Variants in KCNIP4 observed in about 807,000 individuals in gnomAD.
KCNIP4 encodes the protein Kv channel-interacting protein 4.
KCNIP4 carries 12 observed loss-of-function variants against 34.0 expected under a neutral mutation model. The observed-to-expected ratio is 0.35, with a 90% CI of 0.23 to 0.57. The LOEUF is 0.57. Among genes scored for constraint, KCNIP4 ranks in the 20% least tolerant of loss-of-function variants. The pLI is 0.83. For synonymous variants in KCNIP4, 124 were observed against 102.2 expected (o/e 1.21, Z -1.29); for missense variants, 238 against 311.7 (o/e 0.76, Z 1.78).
chr4:20,808,775 G>T (rs1347991235), intron 3 of KCNIP4, among the ~76,000 whole-genome samples: 1 of 152,018 alleles, frequency 6.6e-6, no homozygotes, highest in Non-Finnish European at 1.5e-5. Flanking sequence ...TATTAAATAG[G>T]TACACATGAA....
intron 1 of KCNIP4, among the ~76,000 whole-genome samples, chr4:21,248,645 C>T (rs1004069708): frequency 7.9e-5 from 12 of 152,084 alleles, no homozygotes; most frequent in African/African-American, 1.2e-4. Flanking sequence ...TTTACTCTTA[C>T]AATAGGTGAT....
chr4:20,804,455 A>G (rs1039546639), intron 3 of KCNIP4, among the ~76,000 whole-genome samples: 1 of 152,188 alleles, frequency 6.6e-6, no homozygotes, highest in Admixed American at 6.5e-5. Flanking sequence ...GAAAAGAAAG[A>G]TTACTTTCTT....
intron 3 of KCNIP4, among the ~76,000 whole-genome samples, chr4:20,770,025 C>G (rs1578575613): frequency 6.6e-6 from 1 of 152,120 alleles, no homozygotes. Flanking sequence ...TAGTACCTTG[C>G]TTAGTATTTG....
chr4:21,722,702 C>T (rs73115714), intron 1 of KCNIP4, among the ~76,000 whole-genome samples: 3,523 of 152,094 alleles, frequency 0.023, 115 homozygotes, highest in African/African-American at 0.081. Context: ...CTAGAGGGAG[C>T]GGATGGGTAT....
chr4:21,692,974 T>G (rs369927076), intron 1 of KCNIP4, among the ~76,000 whole-genome samples: 2 of 151,464 alleles, frequency 1.3e-5, no homozygotes, highest in Admixed American at 1.3e-4. Context: ...AGAGAGTACA[T>G]AGGAGAGAGA....
intron 1 of KCNIP4, among the ~76,000 whole-genome samples, chr4:21,307,526 A>G: frequency 6.6e-6 from 1 of 152,292 alleles, no homozygotes; most frequent in South Asian, 2.1e-4. Flanking sequence ...GAATTGCTAC[A>G]ATATAAACTC....
intron 1 of KCNIP4, among the ~76,000 whole-genome samples, chr4:21,443,614 G>T (rs1336706091): frequency 6.6e-6 from 1 of 152,132 alleles, no homozygotes; most frequent in Non-Finnish European, 1.5e-5. Context: ...AACCTTGCCT[G>T]AGTTTGCGGC....
intron 1 of KCNIP4, among the ~76,000 whole-genome samples, chr4:20,935,271 G>A (rs1008537245): frequency 6.6e-6 from 1 of 152,180 alleles, no homozygotes; most frequent in African/African-American, 2.4e-5. Flanking sequence ...GGAAGATGAG[G>A]AAGTCAGTGG....
At chr4:21,884,165 A>G (rs909937810) in intron 1 of KCNIP4, among the ~76,000 whole-genome samples, 4 of 152,284 alleles carry the variant, frequency 2.6e-5, no homozygotes, top group African/African-American at 9.6e-5. Context: ...CCCAACAACA[A>G]TAACATACAT....
chr4:20,759,909 C>T (rs1351775991), intron 3 of KCNIP4, among the ~76,000 whole-genome samples: 1 of 152,136 alleles, frequency 6.6e-6, no homozygotes, highest in Non-Finnish European at 1.5e-5. Context: ...CTTCCAGGAC[C>T]ACCGCGGATA....
At chr4:20,950,879 C>T (rs1346091753) in intron 1 of KCNIP4, among the ~76,000 whole-genome samples, 2 of 151,870 alleles carry the variant, frequency 1.3e-5, no homozygotes, top group Non-Finnish European at 1.5e-5. Flanking sequence ...TTTTTTCTTC[C>T]CCCATTCTCC....
intron 1 of KCNIP4, among the ~76,000 whole-genome samples, chr4:20,943,336 A>G (rs1731846838): frequency 6.6e-6 from 1 of 152,210 alleles, no homozygotes; most frequent in Non-Finnish European, 1.5e-5. Flanking sequence ...TTTATAGCCT[A>G]TAAGACTGTA....
chr4:21,307,542 C>T (rs2109262525), intron 1 of KCNIP4, among the ~76,000 whole-genome samples: 1 of 152,310 alleles, frequency 6.6e-6, no homozygotes, highest in Non-Finnish European at 1.5e-5. Flanking sequence ...AACTCCTACC[C>T]ATGAGGGTAG....
intron 1 of KCNIP4, among the ~76,000 whole-genome samples, chr4:21,210,492 T>TA (rs1196191925): frequency 3.3e-5 from 5 of 152,224 alleles, no homozygotes; most frequent in African/African-American, 1.2e-4. Context: ...AATTACCAGT[T>TA]ACATTCTGAT....
intron 1 of KCNIP4, among the ~76,000 whole-genome samples, chr4:21,671,258 G>A (rs1749483007): frequency 6.6e-6 from 1 of 152,152 alleles, no homozygotes; most frequent in African/African-American, 2.4e-5. Flanking sequence ...GGCTGGCTAT[G>A]AAGGCAAACA....
intron 3 of KCNIP4, among the ~76,000 whole-genome samples, chr4:20,840,699 T>C (rs956586798): frequency 5.9e-5 from 9 of 152,106 alleles, no homozygotes; most frequent in African/African-American, 2.2e-4. Flanking sequence ...CGGAGTCACA[T>C]AGGATTAGGA....
At chr4:20,938,358 C>G (rs1198617165) in intron 1 of KCNIP4, among the ~76,000 whole-genome samples, 1 of 152,050 alleles carries the variant, frequency 6.6e-6, no homozygotes, top group Non-Finnish European at 1.5e-5. Flanking sequence ...GAAGACAAAA[C>G]CAGTCCAGCC....
chr4:21,356,396 C>G (rs918053677), intron 1 of KCNIP4, among the ~76,000 whole-genome samples: 1 of 151,976 alleles, frequency 6.6e-6, no homozygotes, highest in Non-Finnish European at 1.5e-5. Context: ...TGCAGATGCA[C>G]GATTGCATAT....
chr4:21,005,889 T>C (rs1280356970), intron 1 of KCNIP4, among the ~76,000 whole-genome samples: 4 of 152,212 alleles, frequency 2.6e-5, no homozygotes, highest in African/African-American at 9.6e-5. Context: ...AAACATACTC[T>C]TTCCCCTGAC....
Sources: allele counts gnomAD v4.1 joint callset (sites outside exome capture counted in the v4.1 genomes callset), GRCh38; gene constraint gnomAD v4.1.1; transcripts MANE v1.5; gene names NCBI Gene and HGNC (gene_info 2026-07-23, HGNC 2026-07-21).